Variants in SOX5 observed in about 807,000 individuals in gnomAD.
SOX5 encodes the protein transcription factor SOX-5.
A neutral mutation model predicts 92.0 loss-of-function variants in SOX5; 9 were observed. That is an observed-to-expected ratio of 0.10 (90% CI 0.06 to 0.17). The LOEUF (loss-of-function observed/expected upper bound fraction) is 0.17. SOX5 is among the 10% of genes least tolerant of loss of function. The pLI, the probability that SOX5 is intolerant of heterozygous loss-of-function variation, is 1.00. For missense variants in SOX5, 642 were observed against 944.5 expected, an observed-to-expected ratio of 0.68 and a Z score of 4.20; for synonymous variants, 344 against 336.3, an observed-to-expected ratio of 1.02 and a Z score of -0.25.
chr12:24,420,098 C>T (rs1965687960), intron 1 of SOX5, among the ~76,000 whole-genome samples: 1 of 152,160 alleles, frequency 6.6e-6, no homozygotes, highest in East Asian at 1.9e-4. Flanking sequence ...TTCTAACAGG[C>T]CTCACATGTA....
chr12:23,868,961 C>T (rs1372745663), intron 2 of SOX5, among the ~76,000 whole-genome samples: 1 of 152,050 alleles, frequency 6.6e-6, no homozygotes, highest in African/African-American at 2.4e-5. Flanking sequence ...CCAGAATCTG[C>T]CCTTCATCTA....
chr12:23,838,721 G>A (rs2096467428), intron 3 of SOX5, among the ~76,000 whole-genome samples: 1 of 151,886 alleles, frequency 6.6e-6, no homozygotes, highest in African/African-American at 2.4e-5. Flanking sequence ...AGGTACAATA[G>A]TGACGTTTCT....
At chr12:23,880,580 T>G (rs2096977367) in intron 2 of SOX5, among the ~76,000 whole-genome samples, 2 of 152,152 alleles carry the variant, frequency 1.3e-5, no homozygotes, top group South Asian at 4.1e-4. Flanking sequence ...TCATTCTCCC[T>G]CTCTATCTCC....
intron 1 of SOX5, among the ~76,000 whole-genome samples, chr12:24,369,224 A>G (rs1956476280): frequency 6.6e-6 from 1 of 152,280 alleles, no homozygotes; most frequent in South Asian, 2.1e-4. Context: ...TGATCTCCTG[A>G]ACTCAAAATG....
At chr12:24,453,257 A>AT (rs560799677) in intron 1 of SOX5, among the ~76,000 whole-genome samples, 25 of 151,854 alleles carry the variant, frequency 1.6e-4, no homozygotes, top group Non-Finnish European at 2.5e-4. Context: ...AAATGCTAGA[A>AT]TTTTTTTTCC....
chr12:24,507,026 G>A (rs1165918672), intron 1 of SOX5, among the ~76,000 whole-genome samples: 5 of 151,638 alleles, frequency 3.3e-5, no homozygotes, highest in East Asian at 1.9e-4. Flanking sequence ...TCCTGACCTC[G>A]TGATCCGCCC....
intron 1 of SOX5, among the ~76,000 whole-genome samples, chr12:24,543,051 A>G (rs1206692225): frequency 6.6e-6 from 1 of 152,246 alleles, no homozygotes; most frequent in Non-Finnish European, 1.5e-5. Context: ...TAAAGCACAC[A>G]TGTTAAATAT....
At chr12:23,869,671 C>A (rs1032696118) in intron 2 of SOX5, among the ~76,000 whole-genome samples, 5 of 152,058 alleles carry the variant, frequency 3.3e-5, no homozygotes, top group African/African-American at 1.2e-4. Context: ...CACTAAGTAC[C>A]CTGCTTAGTT....
chr12:23,551,260 C>T (rs1032484661), intron 11 of SOX5, among the ~76,000 whole-genome samples: 1 of 151,804 alleles, frequency 6.6e-6, no homozygotes, highest in African/African-American at 2.4e-5. Flanking sequence ...TCACAGACCA[C>T]CAAAGAAGAT....
chr12:23,685,687 C>G (rs999444386), intron 6 of SOX5, among the ~76,000 whole-genome samples: 3 of 150,874 alleles, frequency 2.0e-5, no homozygotes, highest in Admixed American at 6.6e-5. Flanking sequence ...ACGGGAAGCT[C>G]AGGTCATCCA....
intron 3 of SOX5, among the ~76,000 whole-genome samples, chr12:23,788,737 ATTC>A (rs1355769194): frequency 1.3e-5 from 2 of 151,984 alleles, no homozygotes; most frequent in Non-Finnish European, 2.9e-5. Flanking sequence ...CACAGCAGAA[ATTC>A]TATATTGTTG....
chr12:23,681,570 CA>C (rs1054254529), intron 6 of SOX5, among the ~76,000 whole-genome samples: 2 of 151,434 alleles, frequency 1.3e-5, no homozygotes, highest in Admixed American at 1.3e-4. Flanking sequence ...AAATATTAAC[CA>C]AAAAAGTAAA....
chr12:24,297,181 ACCTGTAATT>A (rs1836736097), intron 2 of SOX5, among the ~76,000 whole-genome samples: 1 of 152,188 alleles, frequency 6.6e-6, no homozygotes, highest in African/African-American at 2.4e-5. Flanking sequence ...TGTAGATCCA[ACCTGTAATT>A]CGGTGAAAAT....
intron 6 of SOX5, among the ~76,000 whole-genome samples, chr12:23,733,967 C>G (rs2093489247): frequency 6.6e-6 from 1 of 152,076 alleles, no homozygotes. Flanking sequence ...TTTTAACCCT[C>G]AAAAATCTCT....
chr12:24,032,070 A>T (rs1955570624), intron 4 of SOX5, among the ~76,000 whole-genome samples: 1 of 151,926 alleles, frequency 6.6e-6, no homozygotes, highest in African/African-American at 2.4e-5. Flanking sequence ...AATGGGGAAG[A>T]GGAGAACTAA....
chr12:23,587,287 C>T (rs1178662353), intron 9 of SOX5, among the ~76,000 whole-genome samples: 1 of 151,964 alleles, frequency 6.6e-6, no homozygotes, highest in East Asian at 1.9e-4. Flanking sequence ...AGAAAGATTA[C>T]GAGATATCAT....
intron 1 of SOX5, among the ~76,000 whole-genome samples, chr12:24,380,605 T>C (rs1239093412): frequency 6.6e-6 from 1 of 152,210 alleles, no homozygotes; most frequent in Non-Finnish European, 1.5e-5. Context: ...CCCATTTGGT[T>C]CCAGCACTAG....
chr12:24,129,674 A>G (rs1228531424), intron 4 of SOX5, among the ~76,000 whole-genome samples: 1 of 152,218 alleles, frequency 6.6e-6, no homozygotes, highest in Non-Finnish European at 1.5e-5. Context: ...AGCAGAGTCA[A>G]CCAGAAGAAT....
chr12:24,505,874 C>CGCGCGTGTGTGTGTGTGT (rs368183832), intron 1 of SOX5, among the ~76,000 whole-genome samples: 43,957 of 147,678 alleles, frequency 0.3, 6,896 homozygotes, highest in Non-Finnish European at 0.34. Flanking sequence ...TGTGTGTGTG[C>CGCGCGTGTGTGTGTGTGT]GCATCACTGC....
Sources: allele counts gnomAD v4.1 joint callset (sites outside exome capture counted in the v4.1 genomes callset), GRCh38; gene constraint gnomAD v4.1.1; transcripts MANE v1.5; gene names NCBI Gene and HGNC (gene_info 2026-07-23, HGNC 2026-07-21).